Variants in TOGARAM2 observed in about 807,000 individuals in gnomAD.
TOGARAM2 encodes the protein TOG array regulator of axonemal microtubules protein 2.
In TOGARAM2, 85 loss-of-function variants were observed where a neutral mutation model predicts 93.3. The observed-to-expected ratio is 0.91, with a 90% CI of 0.76 to 1.09. The LOEUF is 1.09. Among genes scored for constraint, TOGARAM2 ranks in the 50% least tolerant of loss-of-function variants. TOGARAM2 has a pLI of 0.00. For synonymous variants in TOGARAM2, 593 were observed against 552.8 expected, an observed-to-expected ratio of 1.07 and a Z score of -1.02; for missense variants, 1,277 against 1,334.5, an observed-to-expected ratio of 0.96 and a Z score of 0.67.
chr2:29,024,825 G>A (rs1665241398), intron 13 of TOGARAM2, among the ~76,000 whole-genome samples: 1 of 152,184 alleles, frequency 6.6e-6, no homozygotes, highest in Non-Finnish European at 1.5e-5. Flanking sequence ...ACCCCCAGGA[G>A]CAGTGTTGCT....
At chr2:28,957,798 G>A (rs1051225504) in intron 1 of TOGARAM2, among the ~76,000 whole-genome samples, 1 of 152,144 alleles carries the variant, frequency 6.6e-6, no homozygotes, top group African/African-American at 2.4e-5. Flanking sequence ...ACAAGGGTGG[G>A]GAGGGTATCT....
chr2:29,049,307 C>G (rs1357923926), intron 19 of TOGARAM2: 2 of 152,234 alleles, frequency 1.3e-5, no homozygotes, highest in Non-Finnish European at 2.9e-5. Context: ...GGCCAGAATT[C>G]CCTTCCTTTT....
chr2:29,027,262 T>G (rs994917599), intron 14 of TOGARAM2, among the ~76,000 whole-genome samples: 1 of 152,210 alleles, frequency 6.6e-6, no homozygotes, highest in African/African-American at 2.4e-5. Context: ...AGTGTTGCTC[T>G]TGTTTCTACC....
At chr2:29,018,064 C>A in intron 10 of TOGARAM2, 108 bp downstream of exon 10, 1 of 1,278,400 alleles carries the variant, frequency 7.8e-7, no homozygotes, top group Non-Finnish European at 1.0e-6. Flanking sequence ...CGCCCCTTGT[C>A]CATGTTAGAC....
At chr2:28,988,304 C>T (rs909165081) in intron 1 of TOGARAM2, among the ~76,000 whole-genome samples, 7 of 152,198 alleles carry the variant, frequency 4.6e-5, no homozygotes, top group African/African-American at 1.7e-4. Context: ...ACTTCACACT[C>T]CTGAGTCCAG....
intron 8 of TOGARAM2, among the ~76,000 whole-genome samples, chr2:29,015,485 A>G (rs1246774058): frequency 3.3e-5 from 5 of 152,194 alleles, no homozygotes; most frequent in Non-Finnish European, 7.3e-5. Context: ...TTGAAACAGG[A>G]TCATTGCTAT....
chr2:28,969,714 A>G (rs1671917367), intron 1 of TOGARAM2, among the ~76,000 whole-genome samples: 1 of 152,178 alleles, frequency 6.6e-6, no homozygotes, highest in South Asian at 2.1e-4. Flanking sequence ...GATAACTCTT[A>G]TAAGTAACAA....
intron 8 of TOGARAM2, among the ~76,000 whole-genome samples, chr2:29,015,772 C>T (rs1285747695): frequency 2.0e-5 from 3 of 152,126 alleles, no homozygotes; most frequent in African/African-American, 7.2e-5. Context: ...TGAGGGGTGG[C>T]TCTTTTTTGG....
At chr2:28,974,279 C>T (rs1344417642) in intron 1 of TOGARAM2, among the ~76,000 whole-genome samples, 1 of 151,904 alleles carries the variant, frequency 6.6e-6, no homozygotes, top group Non-Finnish European at 1.5e-5. Flanking sequence ...AGGTGTGCAC[C>T]ACCACGCCCA....
chr2:29,019,057 T>C (rs1208042644), intron 10 of TOGARAM2, among the ~76,000 whole-genome samples: 1 of 152,182 alleles, frequency 6.6e-6, no homozygotes, highest in Non-Finnish European at 1.5e-5. Context: ...TCTTTTGTGA[T>C]TTGAAGTGCA....
chr2:28,961,068 A>T (rs1219753614), intron 1 of TOGARAM2, among the ~76,000 whole-genome samples: 1 of 152,074 alleles, frequency 6.6e-6, no homozygotes, highest in Non-Finnish European at 1.5e-5. Context: ...GGCTTGGCAG[A>T]GTTGGTGCAA....
At chr2:29,032,082 A>C (rs560228064) in intron 14 of TOGARAM2, among the ~76,000 whole-genome samples, 1 of 152,218 alleles carries the variant, frequency 6.6e-6, no homozygotes, top group East Asian at 1.9e-4. Flanking sequence ...CCTGGCCCCT[A>C]GCCTTGTCTC....
chr2:29,024,103 T>G, intron 12 of TOGARAM2, 36 bp from the exon 13 acceptor site: 2 of 1,537,626 alleles, frequency 1.3e-6, no homozygotes, highest in East Asian at 4.9e-5. Context: ...CTTGGCAGGG[T>G]CCAGCACCCT....
intron 19 of TOGARAM2, 32 bp from the exon 20 acceptor site, chr2:29,051,724 G>A: frequency 6.9e-7 from 1 of 1,448,450 alleles, no homozygotes; most frequent in South Asian, 1.5e-5. Context: ...GAGAGTGCCT[G>A]GCTCAAGTGA....
chr2:29,033,081 C>T, intron 15 of TOGARAM2, 30 bp downstream of exon 15: 3 of 1,582,814 alleles, frequency 1.9e-6, no homozygotes, highest in Admixed American at 1.7e-5. Context: ...TGGGTCATGG[C>T]CTTTTGGGGG....
intron 11 of TOGARAM2, 148 bp downstream of exon 11, chr2:29,022,456 A>G: frequency 1.9e-6 from 2 of 1,046,702 alleles, no homozygotes; most frequent in Admixed American, 2.4e-5. Flanking sequence ...AGGACTGTGC[A>G]TGCATATAGA....
intron 1 of TOGARAM2, among the ~76,000 whole-genome samples, chr2:28,987,979 C>T (rs1451503234): frequency 1.3e-5 from 2 of 152,124 alleles, no homozygotes; most frequent in Non-Finnish European, 2.9e-5. Context: ...GGTGAAGTGG[C>T]TCTTGGGACT....
At chr2:29,006,342 G>GTGTGTA (rs1558425171) in intron 6 of TOGARAM2, among the ~76,000 whole-genome samples, 1 of 144,370 alleles carries the variant, frequency 6.9e-6, no homozygotes, top group Non-Finnish European at 1.5e-5. Flanking sequence ...GTGTGTGTAT[G>GTGTGTA]TGTGTATGTG....
chr2:29,043,723 A>C (rs919272384), intron 18 of TOGARAM2, among the ~76,000 whole-genome samples: 23 of 152,250 alleles, frequency 1.5e-4, no homozygotes, highest in Admixed American at 5.2e-4. Flanking sequence ...GGAGCTTGGC[A>C]TGCTGGTTTC....
Sources: gnomAD v4.1 joint callset for allele counts (sites outside exome capture counted in the v4.1 genomes callset) on GRCh38, gnomAD v4.1.1 for gene constraint, MANE v1.5 for transcripts, NCBI Gene and HGNC (gene_info 2026-07-23, HGNC 2026-07-21) for gene names.